TRIM25: variants seen among roughly 807,000 people sequenced by gnomAD.
TRIM25 encodes the protein E3 ubiquitin/ISG15 ligase TRIM25.
A neutral mutation model predicts 65.2 loss-of-function variants in TRIM25; 45 were observed. The ratio of observed to expected loss-of-function variants is 0.69; its 90% CI spans 0.54 to 0.89. The LOEUF is 0.89. TRIM25 is among the 40% of genes least tolerant of loss of function. The pLI is 0.00. For missense variants in TRIM25, 714 were observed against 803.7 expected, an observed-to-expected ratio of 0.89 and a Z score of 1.35; for synonymous variants, 321 against 340.4, an observed-to-expected ratio of 0.94 and a Z score of 0.63.
intron 5 of TRIM25, among the ~76,000 whole-genome samples, chr17:56,897,891 C>A (rs1909324687): frequency 6.6e-6 from 1 of 152,190 alleles, no homozygotes; most frequent in Non-Finnish European, 1.5e-5. Context: ...TAAGGGCTCC[C>A]TCCTCCATCT....
At chr17:56,897,221 C>T (rs891994616) in intron 5 of TRIM25, among the ~76,000 whole-genome samples, 5 of 152,208 alleles carry the variant, frequency 3.3e-5, no homozygotes, top group African/African-American at 1.2e-4. Context: ...CCAGGTGAGT[C>T]CAAAGTCCAC....
intron 1 of TRIM25, among the ~76,000 whole-genome samples, chr17:56,909,859 C>G (rs1248712064): frequency 6.6e-6 from 1 of 152,148 alleles, no homozygotes; most frequent in African/African-American, 2.4e-5. Context: ...CCTCCCTGCT[C>G]AGATGAATAC....
chr17:56,897,727 C>T (rs144543106), intron 5 of TRIM25, among the ~76,000 whole-genome samples: 5 of 152,320 alleles, frequency 3.3e-5, no homozygotes, highest in Non-Finnish European at 7.4e-5. Flanking sequence ...GGGAACACAC[C>T]TGCCTGCTGG....
At chr17:56,907,259 T>G (rs1295473185) in intron 2 of TRIM25, among the ~76,000 whole-genome samples, 1 of 152,244 alleles carries the variant, frequency 6.6e-6, no homozygotes, top group Admixed American at 6.5e-5. Flanking sequence ...TTCAATCATA[T>G]TTAAGCCTCT....
rs549778327 is a variant in TRIM25 at position 56,901,673 on chromosome 17, A to T, written c.928-95T>A. 6 of 1,495,606 alleles carry T rather than the reference A, an allele frequency of 4.0e-6. No homozygotes were observed. In the South Asian group the frequency reaches 7.4e-5, roughly 19 times the overall value. 92.6% of individuals were successfully genotyped at this position (1,495,606 alleles called of 1,614,324 possible). A position where few individuals can be genotyped will look rare whatever the true frequency, so the allele number is the denominator to read the frequency against. ...CCCCAGGAGGCTCTCCCCTATGCCC[A>T]AGAGTGCTAAGTCCAATTGGCCTTC... On this transcript the variant is annotated intron_variant, in intron 3 of 8. Coordinates refer to ENST00000316881, the MANE Select transcript of TRIM25 (RefSeq NM_005082.5).
chr17:56,896,057 G>A, intron 5 of TRIM25, 105 bp from the exon 6 acceptor site: 2 of 1,251,902 alleles, frequency 1.6e-6, no homozygotes, highest in Non-Finnish European at 2.2e-6. Flanking sequence ...ACAAATAAAA[G>A]GATGTTTTAA....
intron 1 of TRIM25, among the ~76,000 whole-genome samples, chr17:56,909,201 A>G (rs887876134): frequency 1.3e-5 from 2 of 151,994 alleles, no homozygotes; most frequent in Non-Finnish European, 2.9e-5. Context: ...CAGAGGATTA[A>G]GAAGTCAAGG....
intron 8 of TRIM25, among the ~76,000 whole-genome samples, chr17:56,893,219 C>A (rs188095040): frequency 1.3e-5 from 2 of 149,878 alleles, no homozygotes; most frequent in Non-Finnish European, 2.9e-5. Context: ...GGGAGCCAAG[C>A]GAGGCACTCA....
chr17:56,896,024 T>G (rs779068099), intron 5 of TRIM25, 72 bp from the exon 6 acceptor site: 10 of 1,471,082 alleles, frequency 6.8e-6, no homozygotes, highest in Non-Finnish European at 8.4e-6. Context: ...ATAATAACAT[T>G]CATGTGCATG....
chr17:56,892,244 C>A lies in TRIM25; in HGVS notation c.1364-15G>T. Reference sequence around the variant, plus strand: ...TTTAATGTAATCTGAGAAAACATCACCCCAAGGAATTAATTACAAGGGGCC... The same window carrying A: ...TTTAATGTAATCTGAGAAAACATCAACCCAAGGAATTAATTACAAGGGGCC... On this transcript the variant is annotated splice_polypyrimidine_tract_variant and intron_variant, in intron 8 of 8. Transcript: ENST00000316881. 8 of 1,572,788 alleles carry A rather than the reference C, an allele frequency of 5.1e-6. No homozygotes were observed. Among genetic ancestry groups the A allele is most frequent in the Non-Finnish European group, 6.9e-6 (8 of 1,157,944 alleles).
rs1909105570 is a variant in TRIM25 at position 56,888,636 on chromosome 17, C to T, written c.*3064G>A. On this transcript the variant is annotated 3_prime_UTR_variant, in exon 9 of 9. Coordinates refer to ENST00000316881, the MANE Select transcript of TRIM25 (RefSeq NM_005082.5). ...TGGCTTACTCTTTGATCGATACTCT[C>T]CTGCTTTCCCCTAGCCCCCACAGTT... The T allele has an allele frequency of 6.6e-6, 1 of 152,170 alleles. No individual in the cohort carries two copies. The highest frequency in any genetic ancestry group is 2.4e-5 in the African/African-American group (1 of 41,410). 9.4% of individuals were successfully genotyped at this position (152,170 alleles called of 1,614,324 possible).
In TRIM25 at chr17:56,892,259, T is replaced by C. The variant is rs765094212; in HGVS notation, c.1364-30A>G. On this transcript the variant is annotated intron_variant, in intron 8 of 8. Transcript: ENST00000316881. ...GAAAACATCACCCCAAGGAATTAAT[T>C]ACAAGGGGCCCAAAGTGCTCTTTTA... 5 of 1,558,176 alleles carry C rather than the reference T, an allele frequency of 3.2e-6. No individual in the cohort carries two copies. The Admixed American group carries it at 7.4e-5, about 23-fold the overall frequency.
Position 56,890,482 on chromosome 17 carries a change from A to G in TRIM25, c.*1218T>C, listed in dbSNP as rs111997884. 3.7e-3 allele frequency: 1,536 copies of G among 414,062 alleles called. 24 individuals are homozygous for G. The highest frequency in any genetic ancestry group is 0.027 in the African/African-American group (1,349 of 49,272). The allele number at this position is 414,062 out of a possible 1,614,324, so 25.6% of individuals were successfully genotyped here. A position where few individuals can be genotyped will look rare whatever the true frequency, so the allele number is the denominator to read the frequency against. ...CCAGGCTCTGACTCACGCAAGGGCCAGTGCTGGGTCTGCAGCCTGTGGCCA... is the reference window on the plus strand; with the variant it reads ...CCAGGCTCTGACTCACGCAAGGGCCGGTGCTGGGTCTGCAGCCTGTGGCCA... On this transcript the variant is annotated 3_prime_UTR_variant, in exon 9 of 9. Coordinates refer to ENST00000316881, the MANE Select transcript of TRIM25 (RefSeq NM_005082.5).
Position 56,913,390 on chromosome 17 carries a change from A to T in TRIM25, c.597+2T>A. 6.4e-7 allele frequency: 1 copy of T among 1,553,248 alleles called. No individual in the cohort carries two copies. On this transcript the variant is annotated splice_donor_variant, in intron 1 of 8. Coordinates refer to ENST00000316881, the MANE Select transcript of TRIM25 (RefSeq NM_005082.5). LOFTEE classifies it high-confidence loss of function. The surrounding 1 kb of genome is among the most constrained non-coding windows in gnomAD (Gnocchi z 6.1). Reference sequence around the variant, plus strand: ...CTCTGCACCCAGCAGGCCGTTCCCTACCTCCAGGTCGGCGCTGGCCTGGCT... The same window carrying T: ...CTCTGCACCCAGCAGGCCGTTCCCTTCCTCCAGGTCGGCGCTGGCCTGGCT...
In TRIM25 at chr17:56,888,650, GC is replaced by G. The variant is rs969209132; in HGVS notation, c.*3049del. 12 of 152,050 alleles carry G rather than the reference GC, an allele frequency of 7.9e-5. No homozygotes were observed. The highest frequency in any genetic ancestry group is 1.6e-4 in the Non-Finnish European group (11 of 68,012). 9.4% of individuals were successfully genotyped at this position (152,050 alleles called of 1,614,324 possible). On this transcript the variant is annotated 3_prime_UTR_variant, in exon 9 of 9. Transcript: ENST00000316881. ...ATCGATACTCTCCTGCTTTCCCCTA[GC>G]CCCCACAGTTAGACTGTCCCGCAGC...
rs1193676500 is a variant in TRIM25 at position 56,913,529 on chromosome 17, G to C, written c.460C>G (p.Arg154Gly). The change falls in exon 1 of 9, where the codon CGC becomes GGC. Residue 154 changes from arginine (R) to glycine (G), a missense_variant. Around this residue, in one of 3 missense-constraint regions of TRIM25, gnomAD observed 291 missense variants for 281.8 expected, o/e 1.03. Coordinates refer to ENST00000316881, the MANE Select transcript of TRIM25 (RefSeq NM_005082.5). The surrounding 1 kb of genome is among the most constrained non-coding windows in gnomAD (Gnocchi z 6.1). Reference sequence around the variant, plus strand: ...CGATTGTGCTGGGAACATTTGCGGCGCAACAGGTCGCGAACGGGCGGCTGC... The same window carrying C: ...CGATTGTGCTGGGAACATTTGCGGCCCAACAGGTCGCGAACGGGCGGCTGC... ...PLQPPVRDLL[R>G]RKCSQHNRLR... 2 of 1,613,664 alleles carry C rather than the reference G, an allele frequency of 1.2e-6. No individual in the cohort carries two copies. The highest frequency in any genetic ancestry group is 1.7e-6 in the Non-Finnish European group (2 of 1,179,864).
At chr17:56,894,625 A>G (rs1909248470) in intron 8 of TRIM25, among the ~76,000 whole-genome samples, 1 of 152,206 alleles carries the variant, frequency 6.6e-6, no homozygotes, top group Non-Finnish European at 1.5e-5. Context: ...CAGTTTTGCT[A>G]GGTTTGTTTT....
rs1168367337 is a variant in TRIM25 at position 56,893,956 on chromosome 17, G to C, written c.1363+1387C>G. ...CAGTGGCACGAGGATTAGACTTCAG[G>C]CTCCCACCTCGGCCCCACATTGCAA... On this transcript the variant is annotated intron_variant, in intron 8 of 8. Coordinates refer to ENST00000316881, the MANE Select transcript of TRIM25 (RefSeq NM_005082.5). 2.0e-5 allele frequency among the ~76,000 whole-genome samples: 3 copies of C among 152,106 alleles called. No individual in the cohort carries two copies. In the East Asian group the frequency reaches 5.8e-4, roughly 29 times the overall value.
rs1361010418 is a variant in TRIM25, at chr17:56,891,240, C to T, written c.*460G>A. 3.1e-6 allele frequency: 1 copy of T among 326,452 alleles called. No individual in the cohort carries two copies. The highest frequency in any genetic ancestry group is 6.0e-6 in the Non-Finnish European group (1 of 166,620). 20.2% of individuals were successfully genotyped at this position (326,452 alleles called of 1,614,324 possible). Reference sequence around the variant, plus strand: ...ATGGAGTTTATGTAACATTGAAACTCAATGACTTTGGAACTTTAAAAACAT... The same window carrying T: ...ATGGAGTTTATGTAACATTGAAACTTAATGACTTTGGAACTTTAAAAACAT... On this transcript the variant is annotated 3_prime_UTR_variant, in exon 9 of 9. Coordinates refer to ENST00000316881, the MANE Select transcript of TRIM25 (RefSeq NM_005082.5).
Sources: allele counts gnomAD v4.1 joint callset (sites outside exome capture counted in the v4.1 genomes callset), GRCh38; gene constraint gnomAD v4.1.1; regional missense constraint gnomAD v4.1.1; non-coding constraint Gnocchi (gnomAD v3.1); transcripts MANE v1.5; gene names NCBI Gene and HGNC (gene_info 2026-07-23, HGNC 2026-07-21).